CNTNAP2: variants seen among roughly 807,000 people sequenced by gnomAD.
CNTNAP2 encodes contactin-associated protein-like 2.
CNTNAP2 carries 98 observed loss-of-function variants against 155.2 expected under a neutral mutation model. The observed-to-expected ratio is 0.63, with a 90% CI of 0.54 to 0.75. CNTNAP2 has a LOEUF of 0.75. CNTNAP2 is among the 30% of genes least tolerant of loss of function. The probability of loss-of-function intolerance (pLI) is 0.00; values close to 1 mark genes in which losing one functional copy is unlikely to be tolerated. For missense variants in CNTNAP2, 1,727 were observed against 1,688.1 expected (o/e 1.02, Z -0.40); for synonymous variants, 651 against 631.2 (o/e 1.03, Z -0.47).
intron 13 of CNTNAP2, among the ~76,000 whole-genome samples, chr7:147,737,994 G>C (rs1378809795): frequency 6.6e-6 from 1 of 152,154 alleles, no homozygotes; most frequent in Non-Finnish European, 1.5e-5. Context: ...GCCCTGCTTC[G>C]GCTCATGCTC....
chr7:147,406,563 A>T (rs1797008830), intron 10 of CNTNAP2, among the ~76,000 whole-genome samples: 1 of 152,220 alleles, frequency 6.6e-6, no homozygotes, highest in Admixed American at 6.5e-5. Context: ...AGTTTTTCAG[A>T]TAGCATTGTC....
intron 1 of CNTNAP2, among the ~76,000 whole-genome samples, chr7:146,632,270 G>A (rs931847380): frequency 1.3e-5 from 2 of 152,044 alleles, no homozygotes; most frequent in Admixed American, 1.3e-4. Flanking sequence ...AGGGATTTTA[G>A]GATTTGATAT....
chr7:147,001,757 T>C (rs1385034027), intron 3 of CNTNAP2, among the ~76,000 whole-genome samples: 1 of 151,560 alleles, frequency 6.6e-6, no homozygotes, highest in African/African-American at 2.4e-5. Flanking sequence ...TAACAAAGCT[T>C]GTCAGGTATT....
At chr7:147,879,870 T>A (rs982098102) in intron 13 of CNTNAP2, among the ~76,000 whole-genome samples, 5 of 149,750 alleles carry the variant, frequency 3.3e-5, no homozygotes, top group Non-Finnish European at 5.9e-5. Context: ...GAGGGGTGGA[T>A]TTTTCCCCAT....
intron 1 of CNTNAP2, among the ~76,000 whole-genome samples, chr7:146,628,610 T>C (rs1799459498): frequency 6.6e-6 from 1 of 152,084 alleles, no homozygotes; most frequent in Admixed American, 6.6e-5. Context: ...ACATACAATT[T>C]TATGTCAATT....
intron 1 of CNTNAP2, among the ~76,000 whole-genome samples, chr7:146,573,604 C>T (rs1798476030): frequency 6.6e-6 from 1 of 152,066 alleles, no homozygotes; most frequent in East Asian, 1.9e-4. Flanking sequence ...AATGTGCTGT[C>T]CTACATTTGA....
At chr7:146,701,389 A>G (rs912126785) in intron 1 of CNTNAP2, among the ~76,000 whole-genome samples, 4 of 151,822 alleles carry the variant, frequency 2.6e-5, no homozygotes, top group Non-Finnish European at 5.9e-5. Flanking sequence ...TCCTATTAGC[A>G]TGTTTGTTCT....
chr7:147,347,615 A>G (rs1184636312), intron 9 of CNTNAP2, among the ~76,000 whole-genome samples: 1 of 151,718 alleles, frequency 6.6e-6, no homozygotes, highest in Non-Finnish European at 1.5e-5. Context: ...ACCAGAAGCA[A>G]CCTACAGATT....
At chr7:146,159,008 AC>A (rs1798174270) in intron 1 of CNTNAP2, among the ~76,000 whole-genome samples, 1 of 152,224 alleles carries the variant, frequency 6.6e-6, no homozygotes, top group Non-Finnish European at 1.5e-5. Context: ...CGGGTTACCC[AC>A]AAAGGGAAGC....
intron 1 of CNTNAP2, among the ~76,000 whole-genome samples, chr7:146,444,811 C>T (rs1391593568): frequency 1.3e-5 from 2 of 151,950 alleles, no homozygotes; most frequent in Admixed American, 1.3e-4. Flanking sequence ...GTGCCTGCCA[C>T]CATGCCTGGC....
intron 12 of CNTNAP2, among the ~76,000 whole-genome samples, chr7:147,616,717 A>G (rs727716): frequency 0.41 from 61,577 of 151,948 alleles, 13,481 homozygotes; most frequent in East Asian, 0.64. Context: ...ATAAGTAAGT[A>G]AAATAAACGT....
intron 1 of CNTNAP2, among the ~76,000 whole-genome samples, chr7:146,499,478 A>C (rs573475263): frequency 2.3e-4 from 35 of 152,346 alleles, no homozygotes; most frequent in Non-Finnish European, 4.3e-4. Context: ...AGTAAGTTTT[A>C]AATTGGAAAC....
intron 1 of CNTNAP2, among the ~76,000 whole-genome samples, chr7:146,395,295 G>A: frequency 6.6e-6 from 1 of 152,070 alleles, no homozygotes; most frequent in East Asian, 1.9e-4. Context: ...TGGTGGGTGT[G>A]GGATTCAAAC....
At chr7:146,672,151 T>C (rs966171533) in intron 1 of CNTNAP2, among the ~76,000 whole-genome samples, 1 of 152,126 alleles carries the variant, frequency 6.6e-6, no homozygotes, top group Non-Finnish European at 1.5e-5. Flanking sequence ...ATCTCCACAT[T>C]GCACACACCC....
intron 1 of CNTNAP2, among the ~76,000 whole-genome samples, chr7:146,746,369 T>C (rs1427238496): frequency 2.6e-5 from 4 of 152,190 alleles, no homozygotes; most frequent in Non-Finnish European, 5.9e-5. Flanking sequence ...TTAAATGAAA[T>C]AATTGAGGAC....
chr7:148,264,164 T>C (rs1796625875), intron 20 of CNTNAP2, among the ~76,000 whole-genome samples: 1 of 152,206 alleles, frequency 6.6e-6, no homozygotes, highest in Non-Finnish European at 1.5e-5. Flanking sequence ...TATGTATCCA[T>C]AGAACGAAAT....
At chr7:147,038,804 CAGAG>C (rs1465624305) in intron 3 of CNTNAP2, among the ~76,000 whole-genome samples, 1 of 152,156 alleles carries the variant, frequency 6.6e-6, no homozygotes, top group Non-Finnish European at 1.5e-5. Context: ...TCTCTTTACT[CAGAG>C]AGGGGGATTT....
chr7:147,851,786 G>A (rs191813651), intron 13 of CNTNAP2, among the ~76,000 whole-genome samples: 6,613 of 151,014 alleles, frequency 0.044, 274 homozygotes, highest in Admixed American at 0.11. Context: ...GGGAAGGATA[G>A]CATTAGGAGA....
At chr7:148,266,137 C>T (rs1391609124) in intron 20 of CNTNAP2, among the ~76,000 whole-genome samples, 2 of 152,214 alleles carry the variant, frequency 1.3e-5, no homozygotes, top group Admixed American at 6.5e-5. Context: ...TGTCGGAAAG[C>T]AATGCTGTGC....
Sources: allele counts gnomAD v4.1 joint callset (sites outside exome capture counted in the v4.1 genomes callset), GRCh38; gene constraint gnomAD v4.1.1; transcripts MANE v1.5; gene names NCBI Gene and HGNC (gene_info 2026-07-23, HGNC 2026-07-21).